Variants in STPG2 observed in about 807,000 individuals in gnomAD.
STPG2 encodes the protein sperm tail PG-rich repeat containing 2.
In STPG2, 56 loss-of-function variants were observed where a neutral mutation model predicts 54.2. The ratio of observed to expected loss-of-function variants is 1.03; its 90% CI spans 0.83 to 1.29. The LOEUF (loss-of-function observed/expected upper bound fraction) is 1.29. STPG2 is among the 50% of genes most tolerant of loss of function. The pLI, the probability that STPG2 is intolerant of heterozygous loss-of-function variation, is 0.00. For missense variants in STPG2, 596 were observed against 544.9 expected (o/e 1.09, Z -0.93); for synonymous variants, 200 against 181.8 (o/e 1.10, Z -0.81).
intron 10 of STPG2, among the ~76,000 whole-genome samples, chr4:97,659,927 T>G (rs1481539530): frequency 6.6e-6 from 1 of 152,162 alleles, no homozygotes; most frequent in African/African-American, 2.4e-5. Flanking sequence ...CACAATACAG[T>G]TCCTTCCAGC....
At chr4:97,872,234 AAGG>A (rs1201589704) in intron 8 of STPG2, among the ~76,000 whole-genome samples, 2 of 151,208 alleles carry the variant, frequency 1.3e-5, no homozygotes, top group Non-Finnish European at 3.0e-5. Context: ...AGGAAGAAAA[AAGG>A]TAAGTGTTAC....
At chr4:97,733,550 C>CA (rs376300895) in intron 9 of STPG2, among the ~76,000 whole-genome samples, 332 of 144,520 alleles carry the variant, frequency 2.3e-3, no homozygotes, top group Middle Eastern at 7.0e-3. Flanking sequence ...ATTCGTGTAA[C>CA]AAAAAAAAAA....
chr4:97,742,543 G>A lies in STPG2; in HGVS notation c.1205-29729C>T, dbSNP rs534547282. On this transcript the variant is annotated intron_variant, in intron 9 of 10. Coordinates refer to ENST00000295268, the MANE Select transcript of STPG2 (RefSeq NM_174952.3). The stretch of plus-strand genomic sequence containing the variant: ...ACTGTGTGTGTGTGTGTGTGTGTGT[G>A]TGTGTGTGTGTGTGTGTGTGTGTCT... Among the ~76,000 whole-genome samples, 22 of 142,414 alleles carry A rather than the reference G, an allele frequency of 1.5e-4. 1 individual carries two copies. The South Asian group carries it at 4.8e-3, about 31-fold the overall frequency. 93.4% of individuals were successfully genotyped at this position (142,414 alleles called of 152,430 possible). A position where few individuals can be genotyped will look rare whatever the true frequency, so the allele number is the denominator to read the frequency against.
chr4:98,054,214 C>T (rs1030147443), intron 5 of STPG2, among the ~76,000 whole-genome samples: 2 of 152,030 alleles, frequency 1.3e-5, no homozygotes, highest in Non-Finnish European at 1.5e-5. Context: ...TCATGCAAAA[C>T]AGCTGGTATT....
chr4:97,913,423 A>G (rs192464664), intron 8 of STPG2, among the ~76,000 whole-genome samples: 1 of 152,308 alleles, frequency 6.6e-6, no homozygotes, highest in Admixed American at 6.5e-5. Context: ...TAGAAATCCA[A>G]GTTGAGACAT....
At chr4:97,511,666 A>C (rs1298316039) in intron 4 of STPG2, among the ~76,000 whole-genome samples, 1 of 152,128 alleles carries the variant, frequency 6.6e-6, no homozygotes, top group African/African-American at 2.4e-5. Flanking sequence ...CCTGCAGAAT[A>C]AAAATTATTT....
At chr4:97,911,898 C>T (rs544905878) in intron 8 of STPG2, among the ~76,000 whole-genome samples, 12 of 152,112 alleles carry the variant, frequency 7.9e-5, no homozygotes, top group Non-Finnish European at 1.8e-4. Context: ...TGACCTCCAA[C>T]AAGAGTCTCC....
At chr4:97,813,677 TAAAAAA>T (rs869298230) in intron 9 of STPG2, among the ~76,000 whole-genome samples, 120 of 45,892 alleles carry the variant, frequency 2.6e-3, no homozygotes, top group African/African-American at 8.9e-3. Flanking sequence ...CCCTGTCTCT[TAAAAAA>T]AAAAAAAAAA....
At chr4:98,015,641 C>T (rs757371612) in intron 5 of STPG2, among the ~76,000 whole-genome samples, 66 of 152,152 alleles carry the variant, frequency 4.3e-4, no homozygotes, top group Non-Finnish European at 7.9e-4. Context: ...TTGTGGAAGA[C>T]AGTGTGGCAA....
intron 6 of STPG2, 138 bp downstream of exon 6, chr4:97,981,020 GC>G: frequency 1.3e-6 from 1 of 783,384 alleles, no homozygotes; most frequent in Admixed American, 2.8e-5. Context: ...TATAGTGAAT[GC>G]TTTAAAAAAT....
In STPG2 at chr4:98,109,303, A is replaced by G. The variant is rs1297579662; in HGVS notation, c.390T>C (p.Asp130=). Residue 130 remains aspartate (D), a splice_region_variant and synonymous_variant, in exon 4 of 11, where the codon GAT becomes GAC. Transcript: ENST00000295268. ...TGTATTTCAAAGTTGCATTGGAAAC[A>G]TCCTAAAAAATAAAAAGTTTTAAAA... ...LGPAYYKPQF[D]VSNATLKYKG... The G allele has an allele frequency of 5.0e-6, 8 of 1,592,076 alleles. No homozygotes were observed. Among genetic ancestry groups the G allele is most frequent in the Non-Finnish European group, 6.8e-6 (8 of 1,169,486 alleles).
intron 10 of STPG2, among the ~76,000 whole-genome samples, chr4:97,639,943 T>C (rs1220468038): frequency 6.6e-6 from 1 of 152,126 alleles, no homozygotes; most frequent in Non-Finnish European, 1.5e-5. Context: ...TATTCACATA[T>C]AGTAACTTAT....
At chr4:97,978,885 T>C (rs1055657296) in intron 6 of STPG2, among the ~76,000 whole-genome samples, 5 of 152,250 alleles carry the variant, frequency 3.3e-5, no homozygotes, top group Non-Finnish European at 5.9e-5. Flanking sequence ...TAATCCCTCA[T>C]AGAACTTCTC....
intron 7 of STPG2, among the ~76,000 whole-genome samples, chr4:97,953,906 T>A (rs539469468): frequency 5.9e-5 from 9 of 152,366 alleles, no homozygotes; most frequent in Admixed American, 5.9e-4. Flanking sequence ...AGAATTGCTA[T>A]ACACTATTTT....
intron 10 of STPG2, among the ~76,000 whole-genome samples, chr4:97,712,050 A>G (rs1353960351): frequency 6.6e-6 from 1 of 152,146 alleles, no homozygotes; most frequent in Admixed American, 6.5e-5. Flanking sequence ...AAGAACATTC[A>G]TTTTGGTTTG....
chr4:97,968,191 C>T (rs894019909), intron 7 of STPG2, among the ~76,000 whole-genome samples: 8 of 152,030 alleles, frequency 5.3e-5, no homozygotes, highest in Non-Finnish European at 1.2e-4. Flanking sequence ...ACCACCAACC[C>T]CACAGAAATA....
At chr4:97,905,233 G>A (rs1034154048) in intron 8 of STPG2, among the ~76,000 whole-genome samples, 2 of 152,048 alleles carry the variant, frequency 1.3e-5, no homozygotes, top group Admixed American at 6.5e-5. Flanking sequence ...TCAAAGGGAA[G>A]CCCATCAGAC....
At chr4:97,827,970 C>T (rs1000235688) in intron 9 of STPG2, among the ~76,000 whole-genome samples, 6 of 152,018 alleles carry the variant, frequency 3.9e-5, no homozygotes. Flanking sequence ...TTTAAGGGTA[C>T]AAACCCATGA....
chr4:97,780,888 A>T (rs1486410572), intron 9 of STPG2, among the ~76,000 whole-genome samples: 2 of 152,198 alleles, frequency 1.3e-5, no homozygotes, highest in Non-Finnish European at 2.9e-5. Context: ...ACCAACGAGA[A>T]CAAAGACACA....
Sources: gnomAD v4.1 joint callset for allele counts (sites outside exome capture counted in the v4.1 genomes callset) on GRCh38, gnomAD v4.1.1 for gene constraint, MANE v1.5 for transcripts, NCBI Gene and HGNC (gene_info 2026-07-23, HGNC 2026-07-21) for gene names.